SHROOM3: variants seen among roughly 807,000 people sequenced by gnomAD.
SHROOM3 encodes shroom family member 3.
A neutral mutation model predicts 138.6 loss-of-function variants in SHROOM3; 47 were observed. The ratio of observed to expected loss-of-function variants is 0.34; its 90% CI spans 0.27 to 0.43. The LOEUF is 0.43. Ranked by LOEUF, SHROOM3 falls within the 20% of genes least tolerant of loss-of-function variation. The pLI is 1.00. For missense variants in SHROOM3, 2,491 were observed against 2,596.5 expected (o/e 0.96, Z 0.88); for synonymous variants, 1,062 against 1,063.3 (o/e 1.00, Z 0.02).
intron 2 of SHROOM3, among the ~76,000 whole-genome samples, chr4:76,640,808 C>T (rs1560576260): frequency 6.6e-6 from 1 of 152,198 alleles, no homozygotes; most frequent in Non-Finnish European, 1.5e-5. Context: ...CTCCTTGCTG[C>T]TGGTGAATCT....
At chr4:76,452,537 A>T (rs1175298469) in intron 1 of SHROOM3, among the ~76,000 whole-genome samples, 1 of 152,234 alleles carries the variant, frequency 6.6e-6, no homozygotes, top group Non-Finnish European at 1.5e-5. Context: ...TGTTTTCAAG[A>T]TTCATTCACA....
chr4:76,776,945 C>T (rs1223648789), intron 10 of SHROOM3, among the ~76,000 whole-genome samples: 1 of 152,138 alleles, frequency 6.6e-6, no homozygotes, highest in African/African-American at 2.4e-5. Flanking sequence ...TATTCTGTTC[C>T]ATTGCTCTAT....
At chr4:76,476,504 G>A (rs1731488241) in intron 1 of SHROOM3, among the ~76,000 whole-genome samples, 1 of 152,124 alleles carries the variant, frequency 6.6e-6, no homozygotes. Flanking sequence ...TTCATCTCTA[G>A]ACATTGGGTT....
At chr4:76,776,299 T>C (rs1276801154) in intron 10 of SHROOM3, among the ~76,000 whole-genome samples, 3 of 152,230 alleles carry the variant, frequency 2.0e-5, no homozygotes, top group Non-Finnish European at 4.4e-5. Flanking sequence ...TGCCCACTTT[T>C]TGATGGGATT....
chr4:76,779,278 T>C lies in SHROOM3; in HGVS notation c.*101T>C. On this transcript the variant is annotated 3_prime_UTR_variant, in exon 11 of 11. Transcript: ENST00000296043. ...ACCACTGTTTGAACTATCTGGGTTA[T>C]TGGTGTTTGTTCCTGATGAAAGGAA... is the stretch of plus-strand genomic sequence containing the variant. 3 of 1,461,890 alleles carry C rather than the reference T, an allele frequency of 2.1e-6. No individual in the cohort carries two copies. Among genetic ancestry groups the C allele is most frequent in the African/African-American group, 1.4e-5 (1 of 70,952 alleles). 90.6% of individuals were successfully genotyped at this position (1,461,890 alleles called of 1,614,324 possible). A position where few individuals can be genotyped will look rare whatever the true frequency, so the allele number is the denominator to read the frequency against.
chr4:76,606,429 G>C (rs1175607195), intron 2 of SHROOM3, among the ~76,000 whole-genome samples: 2 of 151,974 alleles, frequency 1.3e-5, no homozygotes, highest in East Asian at 1.9e-4. Context: ...GATAGTAAAG[G>C]CTGGGTGCAG....
rs933132458 is a variant in SHROOM3 at position 76,782,976 on chromosome 4, G to C, written c.*3799G>C. Reference sequence around the variant, plus strand: ...CTAAATAATGGTTTCTCAAAGTGTGGTCAGGATACGATCTGCATCAGAATC... The same window carrying C: ...CTAAATAATGGTTTCTCAAAGTGTGCTCAGGATACGATCTGCATCAGAATC... On this transcript the variant is annotated 3_prime_UTR_variant, in exon 11 of 11. Transcript: ENST00000296043. 1.3e-5 allele frequency: 2 copies of C among 152,138 alleles called. No homozygotes were observed. Among genetic ancestry groups the C allele is most frequent in the African/African-American group, 4.8e-5 (2 of 41,418 alleles). The allele number at this position is 152,138 out of a possible 1,614,324, so 9.4% of individuals were successfully genotyped here.
At chr4:76,543,986 C>T (rs1733159737) in intron 1 of SHROOM3, among the ~76,000 whole-genome samples, 1 of 152,168 alleles carries the variant, frequency 6.6e-6, no homozygotes, top group South Asian at 2.1e-4. Flanking sequence ...TGCCCTAAGT[C>T]TTCTCTAATC....
chr4:76,572,656 G>C lies in SHROOM3; in HGVS notation c.323+16893G>C, dbSNP rs565810654. Among the ~76,000 whole-genome samples the C allele has an allele frequency of 1.8e-3, 277 of 152,308 alleles. 1 individual carries two copies. The highest frequency in any genetic ancestry group is 0.016 in the South Asian group (79 of 4,828). On this transcript the variant is annotated intron_variant, in intron 2 of 10. Transcript: ENST00000296043. The stretch of plus-strand genomic sequence containing the variant: ...AAATATCTGCATCTTGAATATACTG[G>C]AAAAAAGTGATTGGCATGTTTTAGG...
intron 2 of SHROOM3, among the ~76,000 whole-genome samples, chr4:76,647,267 A>T (rs891675375): frequency 6.6e-6 from 1 of 152,150 alleles, no homozygotes; most frequent in Non-Finnish European, 1.5e-5. Context: ...GGGAAGGGTA[A>T]GTGGGTGAGT....
intron 2 of SHROOM3, among the ~76,000 whole-genome samples, chr4:76,653,253 A>G (rs533213534): frequency 2.1e-4 from 32 of 152,264 alleles, no homozygotes; most frequent in African/African-American, 7.5e-4. Context: ...GTTCTAGATC[A>G]GGATTTTTCA....
At chr4:76,524,365 T>C (rs1453014304) in intron 1 of SHROOM3, among the ~76,000 whole-genome samples, 3 of 151,996 alleles carry the variant, frequency 2.0e-5, no homozygotes, top group Non-Finnish European at 2.9e-5. Flanking sequence ...CAGGACCTCA[T>C]GAAGAACAAG....
rs1721252160 is a variant in SHROOM3, at chr4:76,741,429, C to T, written c.3256C>T (p.Leu1086=). The change falls in exon 5 of 11, where the codon CTG becomes TTG. Residue 1086 remains leucine, a synonymous_variant. Transcript: ENST00000296043. This position sits in a 1 kb window ranked among gnomAD's most constrained non-coding sequence, Gnocchi z 6.2. ...GCTGAAGCAGTTCCAGCAGAGCGCC[C>T]TGGCGGACTACATCCAGCGCAAGAC... ...PELKQFQQSA[L]ADYIQRKTGK... 1 of 1,591,904 alleles carries T rather than the reference C, an allele frequency of 6.3e-7. No individual in the cohort carries two copies. Among genetic ancestry groups the T allele is most frequent in the Admixed American group, 1.7e-5 (1 of 57,392 alleles).
intron 1 of SHROOM3, among the ~76,000 whole-genome samples, chr4:76,534,331 T>C (rs1732903307): frequency 6.6e-6 from 1 of 152,202 alleles, no homozygotes; most frequent in African/African-American, 2.4e-5. Flanking sequence ...GGACCTTCAT[T>C]GAAACCCCCA....
At chr4:76,461,907 G>A (rs1219590667) in intron 1 of SHROOM3, among the ~76,000 whole-genome samples, 5 of 152,208 alleles carry the variant, frequency 3.3e-5, no homozygotes, top group Non-Finnish European at 1.5e-5. Context: ...AAATGGGAAT[G>A]TTAGGAATCA....
rs1730549034 is a variant in SHROOM3, at chr4:76,435,723, A to G, written c.-330A>G. 1 of 233,668 alleles carries G rather than the reference A, an allele frequency of 4.3e-6. No homozygotes were observed. Among genetic ancestry groups the G allele is most frequent in the East Asian group, 9.2e-5 (1 of 10,812 alleles). 14.5% of individuals were successfully genotyped at this position (233,668 alleles called of 1,614,324 possible). On this transcript the variant is annotated 5_prime_UTR_variant, in exon 1 of 11. An upstream open reading frame in the 5' UTR loses its in-frame stop. Transcript: ENST00000296043. ...TTTTAGTGTGTGTATGTGTGAAATAAAAGCTCAGAAAAGCAATCTTCAGAG... is the reference window on the plus strand; with the variant it reads ...TTTTAGTGTGTGTATGTGTGAAATAGAAGCTCAGAAAAGCAATCTTCAGAG...
intron 2 of SHROOM3, among the ~76,000 whole-genome samples, chr4:76,648,995 A>G (rs753672004): frequency 2.6e-5 from 4 of 152,196 alleles, no homozygotes; most frequent in Non-Finnish European, 4.4e-5. Context: ...ATTTTTTAAG[A>G]CAAATGAACT....
intron 2 of SHROOM3, among the ~76,000 whole-genome samples, chr4:76,564,105 G>A (rs1733651212): frequency 6.6e-6 from 1 of 152,106 alleles, no homozygotes; most frequent in Non-Finnish European, 1.5e-5. Context: ...CCCATGCCCC[G>A]CTCTGCTCTC....
Position 76,608,615 on chromosome 4 carries a change from G to C in SHROOM3, c.323+52852G>C, listed in dbSNP as rs1157188091. Among the ~76,000 whole-genome samples the C allele has an allele frequency of 2.5e-4, 23 of 92,564 alleles. 2 individuals carry two copies. The highest frequency in any genetic ancestry group is 9.7e-4 in the East Asian group (2 of 2,068). The allele number at this position is 92,564 out of a possible 152,430, so 60.7% of individuals were successfully genotyped here. On this transcript the variant is annotated intron_variant, in intron 2 of 10. Transcript: ENST00000296043. ...CATAGCATAGCATAGCATAGCATTG[G>C]ACAGAGATGGTATAGCATAGCATAG...
Sources: gnomAD v4.1 joint callset for allele counts (sites outside exome capture counted in the v4.1 genomes callset) on GRCh38, gnomAD v4.1.1 for gene constraint, Gnocchi (gnomAD v3.1) non-coding constraint, MANE v1.5 for transcripts, NCBI Gene and HGNC (gene_info 2026-07-23, HGNC 2026-07-21) for gene names.